Variants in PKD1 observed in about 807,000 individuals in gnomAD.
The protein encoded by PKD1 is polycystin 1, transient receptor potential channel interacting.
Under a neutral mutation model 361.7 loss-of-function variants are expected in PKD1, and 81 were observed. That is an observed-to-expected ratio of 0.22 (90% CI 0.19 to 0.27). The LOEUF is 0.27. PKD1 is among the 10% of genes least tolerant of loss of function. The pLI, the probability that PKD1 is intolerant of heterozygous loss-of-function variation, is 1.00. For missense variants in PKD1, 6,399 were observed against 6,118.3 expected (o/e 1.05, Z -1.53); for synonymous variants, 3,615 against 2,818.3 (o/e 1.28, Z -8.95).
At position 2,126,710 on chromosome 16, in the gene PKD1, G is replaced by A. The variant is rs1480029384; in HGVS notation, c.216-7332C>T. ...TGTTTTCATTCCAGGGTGCTTGGCG[G>A]GCTGGGCTGCCGTGGCCACTGCAGA... On this transcript the variant is annotated intron_variant, in intron 1 of 45. Transcript: ENST00000262304. 3.9e-5 allele frequency among the ~76,000 whole-genome samples: 6 copies of A among 152,274 alleles called. 1 individual carries two copies. The highest frequency in any genetic ancestry group is 3.9e-4 in the Admixed American group (6 of 15,292).
At chr16:2,112,631 G>A (rs549794871) in intron 13 of PKD1, 157 bp downstream of exon 13, 136 of 1,037,830 alleles carry the variant, frequency 1.3e-4, no homozygotes, top group East Asian at 6.2e-4. Context: ...CCCGGCTCCC[G>A]TGCAGCCTCA....
chr16:2,115,268 GA>G (rs2092612339), intron 10 of PKD1, 109 bp downstream of exon 10: 1 of 1,182,896 alleles, frequency 8.5e-7, no homozygotes, highest in Admixed American at 2.2e-5. Context: ...AAGGACGTGG[GA>G]GGGGCCTGCA....
chr16:2,112,816 C>T lies in PKD1; in HGVS notation c.3133G>A (p.Val1045Met), dbSNP rs724159822. The stretch of plus-strand genomic sequence containing the variant: ...AAGGCCACCTCCACGGCCGAGTCCA[C>T]CAGCACGCCCGCCGTCAGTGCTAGC... ...ATLALTAGVL[V>M]DSAVEVAFLW... is the part of the protein sequence containing the mutation. The change falls in exon 13 of 46, where the codon GTG becomes ATG. Residue 1045 changes from valine (V) to methionine (M), a missense_variant. By Grantham distance (21) the Val-to-Met change is conservative. Coordinates refer to ENST00000262304, the MANE Select transcript of PKD1 (RefSeq NM_001009944.3). 5 of 1,599,690 alleles carry T rather than the reference C, an allele frequency of 3.1e-6. No homozygotes were observed. Among genetic ancestry groups the T allele is most frequent in the Non-Finnish European group, 4.2e-6 (5 of 1,179,616 alleles).
chr16:2,092,814 C>T, intron 38 of PKD1, 140 bp downstream of exon 38: 2 of 1,067,338 alleles, frequency 1.9e-6, no homozygotes, highest in Middle Eastern at 4.0e-4. Context: ...TCCCCTCTGC[C>T]TACTGATGCC....
At chr16:2,101,961 G>A (rs2092114665) in intron 26 of PKD1, 100 bp downstream of exon 26, 1 of 748,144 alleles carries the variant, frequency 1.3e-6, no homozygotes, top group African/African-American at 1.7e-5. Context: ...TGCAAAAACT[G>A]CCTTGTTCTG....
Position 2,110,413 on chromosome 16 carries a change from C to G in PKD1, c.4754G>C (p.Cys1585Ser). Reference protein sequence around the residue: ...GSDVRYSWVLCDRCTPIPGGP... With the variant: ...GSDVRYSWVLSDRCTPIPGGP... ...CCCAGGGATGGGCGTGCAGCGGTCA[C>G]AGAGCACCCAGGAATAGCGCACATC... Residue 1585 changes from cysteine (C) to serine (S), a missense_variant, in exon 15 of 46, where the codon TGT (cysteine) becomes TCT (serine). Transcript: ENST00000262304. The G allele has an allele frequency of 6.2e-7, 1 of 1,612,642 alleles. No individual in the cohort carries two copies. Among genetic ancestry groups the G allele is most frequent in the Non-Finnish European group, 8.5e-7 (1 of 1,179,852 alleles).
chr16:2,090,846 T>TG lies in PKD1; in HGVS notation c.12003+37dup, dbSNP rs1446226973. On this transcript the variant is annotated intron_variant, in intron 43 of 45. Transcript: ENST00000262304. ...AATCTGTCTGCTTGCAGCCCTGGGG[T>TG]GTGCGCCCAGCCCCGCGCCCACCGG... The TG allele has an allele frequency of 6.2e-6, 10 of 1,610,226 alleles. No homozygotes were observed. In the Admixed American group the frequency reaches 1.7e-4, roughly 27 times the overall value.
At chr16:2,096,474 A>G (rs1221697210) in intron 34 of PKD1, among the ~76,000 whole-genome samples, 2 of 152,362 alleles carry the variant, frequency 1.3e-5, no homozygotes, top group East Asian at 3.9e-4. Flanking sequence ...TAACCTCTAT[A>G]TGACCATTTG....
intron 20 of PKD1, 77 bp downstream of exon 20, chr16:2,105,788 G>C (rs2092316708): frequency 1.4e-6 from 2 of 1,481,226 alleles, no homozygotes; most frequent in Non-Finnish European, 1.9e-6. Flanking sequence ...CCTCTGCAAA[G>C]CTCCAGGCAG....
intron 34 of PKD1, chr16:2,096,942 C>T (rs1179541539): frequency 1.7e-6 from 1 of 599,862 alleles, no homozygotes; most frequent in Non-Finnish European, 3.0e-6. Context: ...AGCCTGCTCC[C>T]TCCCTAGAGG....
chr16:2,135,740 C>A lies in PKD1; in HGVS notation c.-51G>T. ...CGCCGTCCCCAGGCCCGCCCGCGCG[C>A]GGAGGCCGCAGCTCAGGCGGGGCCC... On this transcript the variant is annotated 5_prime_UTR_variant, in exon 1 of 46. Coordinates refer to ENST00000262304, the MANE Select transcript of PKD1 (RefSeq NM_001009944.3). The A allele has an allele frequency of 1.0e-6, 1 of 965,116 alleles. No homozygotes were observed. Among genetic ancestry groups the A allele is most frequent in the Non-Finnish European group, 1.2e-6 (1 of 814,572 alleles). The allele number at this position is 965,116 out of a possible 1,614,324, so 59.8% of individuals were successfully genotyped here.
chr16:2,103,571 A>G lies in PKD1; in HGVS notation c.8486T>C (p.Val2829Ala), dbSNP rs772777426. ...GCCAAAGGGAAAGGGATTGGAGTCC[A>G]CCAGAAAGATGAGCTGCACCACGTC... ...LSDVVQLIFLVDSNPFPFGYI... is the reference protein window; with the variant it reads ...LSDVVQLIFLADSNPFPFGYI... The change falls in exon 23 of 46, where the codon GTG becomes GCG. Residue 2829 changes from valine (V) to alanine (A), a missense_variant. Val to Ala is a moderately conservative substitution (Grantham distance 64). Transcript: ENST00000262304. 2 of 1,610,196 alleles carry G rather than the reference A, an allele frequency of 1.2e-6. No individual in the cohort carries two copies. Among genetic ancestry groups the G allele is most frequent in the Non-Finnish European group, 1.7e-6 (2 of 1,179,684 alleles).
intron 1 of PKD1, among the ~76,000 whole-genome samples, chr16:2,123,095 C>T (rs1662770360): frequency 6.6e-6 from 1 of 152,202 alleles, no homozygotes. Context: ...TGAACCAGGC[C>T]TGGGGGTGCC....
rs2092688626 is a variant in PKD1, at chr16:2,119,499, A to C, written c.216-121T>G. The C allele has an allele frequency of 1.4e-5, 10 of 705,566 alleles. No individual in the cohort carries two copies. The Admixed American group carries it at 2.0e-4, about 14-fold the overall frequency. The allele number at this position is 705,566 out of a possible 1,614,324, so 43.7% of individuals were successfully genotyped here. A position where few individuals can be genotyped will look rare whatever the true frequency, so the allele number is the denominator to read the frequency against. On this transcript the variant is annotated intron_variant, in intron 1 of 45. Coordinates refer to ENST00000262304, the MANE Select transcript of PKD1 (RefSeq NM_001009944.3). ...ATGGCCTCCCACCCTTGAGCTCCCC[A>C]CTCCCAGAGGTCAGGAGGGGACTTT...
intron 1 of PKD1, among the ~76,000 whole-genome samples, chr16:2,126,516 G>A (rs2092801938): frequency 1.3e-5 from 2 of 152,272 alleles, no homozygotes; most frequent in African/African-American, 4.8e-5. Flanking sequence ...CAGCTGCCAA[G>A]CCATGAAGAG....
intron 8 of PKD1, 112 bp downstream of exon 8, chr16:2,116,417 C>G (rs913075179): frequency 3.1e-6 from 2 of 654,384 alleles, no homozygotes; most frequent in Admixed American, 2.3e-5. Context: ...TCACTGGGCA[C>G]AAGCAACATT....
rs2092036858 is a variant in PKD1 at position 2,100,229 on chromosome 16, C to T, written c.9649G>A (p.Asp3217Asn). 2 of 1,610,586 alleles carry T rather than the reference C, an allele frequency of 1.2e-6. No homozygotes were observed. Among genetic ancestry groups the T allele is most frequent in the Non-Finnish European group, 1.7e-6 (2 of 1,179,680 alleles). Residue 3217 changes from aspartate to asparagine, a missense_variant, in exon 28 of 46, where the codon GAC (aspartate) becomes AAC (asparagine). By Grantham distance (23) the Asp-to-Asn change is conservative (BLOSUM62 1). Transcript: ENST00000262304. This position sits in a 1 kb window ranked among gnomAD's most constrained non-coding sequence, Gnocchi z 4.4. Reference sequence around the variant, plus strand: ...GCCTCCGTCTCCACCGAAAGCCAGTCATTGACCAGGAAGAAGGCGCTGCGT... The same window carrying T: ...GCCTCCGTCTCCACCGAAAGCCAGTTATTGACCAGGAAGAAGGCGCTGCGT... ...TARSAFFLVN[D>N]WLSVETEANG...
chr16:2,092,003 C>T (rs778795540), intron 40 of PKD1, 44 bp downstream of exon 40: 3 of 1,612,606 alleles, frequency 1.9e-6, no homozygotes, highest in Admixed American at 1.7e-5. Flanking sequence ...GAGAACTACT[C>T]CCTTGTCCTT....
intron 1 of PKD1, chr16:2,123,392 T>C: frequency 2.2e-6 from 1 of 449,278 alleles, no homozygotes; most frequent in Non-Finnish European, 4.5e-6. Flanking sequence ...TGTGGAAGCA[T>C]CTGCCCTGGG....
Sources: allele counts gnomAD v4.1 joint callset (sites outside exome capture counted in the v4.1 genomes callset), GRCh38; gene constraint gnomAD v4.1.1; non-coding constraint Gnocchi (gnomAD v3.1); transcripts MANE v1.5; gene names NCBI Gene and HGNC (gene_info 2026-07-23, HGNC 2026-07-21).